Variants in ACTR10 observed in about 807,000 individuals in gnomAD.
The protein encoded by ACTR10 is actin related protein 10.
ACTR10 carries 43 observed loss-of-function variants against 56.2 expected under a neutral mutation model. The observed-to-expected ratio is 0.77, with a 90% CI of 0.60 to 0.99. The LOEUF (loss-of-function observed/expected upper bound fraction) is 0.99. ACTR10 is among the 50% of genes least tolerant of loss of function. The pLI is 0.00. For missense variants in ACTR10, 466 were observed against 507.8 expected (o/e 0.92, Z 0.79); for synonymous variants, 170 against 176.3 (o/e 0.96, Z 0.28).
intron 12 of ACTR10, among the ~76,000 whole-genome samples, chr14:58,233,115 C>T (rs1215867929): frequency 2.0e-5 from 3 of 152,062 alleles, no homozygotes; most frequent in Admixed American, 6.5e-5. Flanking sequence ...TCAGGTGATC[C>T]GCCCGCCTCT....
chr14:58,224,240 G>A (rs28497059), intron 10 of ACTR10, among the ~76,000 whole-genome samples: 257 of 152,188 alleles, frequency 1.7e-3, no homozygotes, highest in African/African-American at 5.8e-3. Flanking sequence ...GACCTCAGGT[G>A]ATCCGCCTAC....
intron 12 of ACTR10, among the ~76,000 whole-genome samples, 197 bp from the exon 13 acceptor site, chr14:58,234,173 A>G (rs1380492305): frequency 6.6e-6 from 1 of 152,212 alleles, no homozygotes; most frequent in African/African-American, 2.4e-5. Flanking sequence ...TTACTTTAAC[A>G]TGGAGTTATG....
chr14:58,225,875 G>T (rs778325320), intron 10 of ACTR10, among the ~76,000 whole-genome samples: 2 of 152,008 alleles, frequency 1.3e-5, no homozygotes, highest in Middle Eastern at 3.2e-3. Flanking sequence ...ACCATGACTG[G>T]CTAATGTTTG....
At chr14:58,201,849 A>G (rs1161664889) in intron 1 of ACTR10, among the ~76,000 whole-genome samples, 1 of 152,114 alleles carries the variant, frequency 6.6e-6, no homozygotes, top group African/African-American at 2.4e-5. Context: ...TACACAAAAT[A>G]CAAAATTTAG....
intron 10 of ACTR10, 71 bp downstream of exon 10, chr14:58,223,927 G>T: frequency 8.4e-7 from 1 of 1,189,990 alleles, no homozygotes; most frequent in Non-Finnish European, 1.2e-6. Context: ...ATATTTGTAT[G>T]AGCCTTTATT....
Position 58,200,237 on chromosome 14 carries a change from T to G in ACTR10, c.20T>G (p.Leu7Arg). The G allele has an allele frequency of 1.3e-6, 2 of 1,530,316 alleles. No individual in the cohort carries two copies. The highest frequency in any genetic ancestry group is 8.8e-7 in the Non-Finnish European group (1 of 1,141,268). The allele number at this position is 1,530,316 out of a possible 1,614,324, so 94.8% of individuals were successfully genotyped here. A position where few individuals can be genotyped will look rare whatever the true frequency, so the allele number is the denominator to read the frequency against. Residue 7 changes from leucine to arginine, a missense_variant, in exon 1 of 13, where the codon CTG becomes CGG. Leu to Arg is a moderately radical substitution (Grantham distance 102). Transcript: ENST00000254286. Reference sequence around the variant, plus strand: ...ACTACCATGCCGCTCTACGAGGGCCTGGGGAGCGGCGGGGAGAAGACGGCG... The same window carrying G: ...ACTACCATGCCGCTCTACGAGGGCCGGGGGAGCGGCGGGGAGAAGACGGCG... MPLYEG[L>R]GSGGEKTAVV...
chr14:58,228,093 C>A (rs1452064686), intron 10 of ACTR10, among the ~76,000 whole-genome samples: 2 of 152,098 alleles, frequency 1.3e-5, no homozygotes, highest in African/African-American at 4.8e-5. Flanking sequence ...CAGGGCAAGA[C>A]CCTATCTCAA....
Position 58,223,793 on chromosome 14 carries a change from C to T in ACTR10, c.725C>T (p.Pro242Leu), listed in dbSNP as rs1889336766. 1 of 1,612,850 alleles carries T rather than the reference C, an allele frequency of 6.2e-7. No individual in the cohort carries two copies. The highest frequency in any genetic ancestry group is 1.1e-5 in the South Asian group (1 of 91,016). The stretch of plus-strand genomic sequence containing the variant: ...ATATTTATATTTCAGCGTCCCTCCC[C>T]ACCCCCAAATGTTGACTATCCATTA... ...NIDGNNERPSPPPNVDYPLDG... is the reference protein window; with the variant it reads ...NIDGNNERPSLPPNVDYPLDG... The change falls in exon 10 of 13, where the codon CCA becomes CTA. Residue 242 changes from proline to leucine, a missense_variant. Pro to Leu is a moderately conservative substitution (Grantham distance 98, BLOSUM62 -3). Coordinates refer to ENST00000254286, the MANE Select transcript of ACTR10 (RefSeq NM_018477.3).
chr14:58,213,707 C>T lies in ACTR10; in HGVS notation c.518+9C>T. ...GGAAAAGCTCTTCACAAGTAAGTTT[C>T]TTGGAATTTAACATATTCATTTCAC... On this transcript the variant is annotated intron_variant, in intron 6 of 12. Coordinates refer to ENST00000254286, the MANE Select transcript of ACTR10 (RefSeq NM_018477.3). 2 of 1,606,304 alleles carry T rather than the reference C, an allele frequency of 1.2e-6. No homozygotes were observed. The highest frequency in any genetic ancestry group is 1.7e-6 in the Non-Finnish European group (2 of 1,174,986).
At chr14:58,201,402 A>G (rs1888700717) in intron 1 of ACTR10, among the ~76,000 whole-genome samples, 1 of 152,228 alleles carries the variant, frequency 6.6e-6, no homozygotes, top group Non-Finnish European at 1.5e-5. Flanking sequence ...TATTTGAAAA[A>G]GACAGCAGGA....
At chr14:58,209,406 T>G (rs890202601) in intron 4 of ACTR10, 3 of 175,432 alleles carry the variant, frequency 1.7e-5, no homozygotes, top group Non-Finnish European at 3.6e-5. Context: ...TTTATTACTG[T>G]TTATTTATTT....
chr14:58,204,113 A>T (rs1888795982), intron 2 of ACTR10, among the ~76,000 whole-genome samples: 1 of 151,750 alleles, frequency 6.6e-6, no homozygotes, highest in African/African-American at 2.4e-5. Flanking sequence ...GGCTGGGCAG[A>T]TTACACGCCT....
chr14:58,204,217 TAA>T (rs35924178), intron 2 of ACTR10, among the ~76,000 whole-genome samples: 13 of 132,210 alleles, frequency 9.8e-5, no homozygotes, highest in East Asian at 2.2e-4. Context: ...CCATCTCTAC[TAA>T]AAAAAAAAAA....
intron 2 of ACTR10, among the ~76,000 whole-genome samples, chr14:58,206,324 C>T (rs1863817687): frequency 1.3e-5 from 2 of 150,828 alleles, no homozygotes; most frequent in Non-Finnish European, 2.9e-5. Flanking sequence ...TACAGGCGCC[C>T]TCCACCACAC....
chr14:58,233,152 T>C (rs908507923), intron 12 of ACTR10, among the ~76,000 whole-genome samples: 28 of 152,098 alleles, frequency 1.8e-4, no homozygotes, highest in African/African-American at 6.5e-4. Flanking sequence ...GGATTACAGG[T>C]GTGAGCCACC....
At chr14:58,232,362 C>A in intron 12 of ACTR10, 95 bp downstream of exon 12, 11 of 622,376 alleles carry the variant, frequency 1.8e-5, no homozygotes, top group East Asian at 4.5e-5. Context: ...ATTCAGGGTT[C>A]AGAATTGCCC....
At chr14:58,225,040 G>C (rs1889365633) in intron 10 of ACTR10, among the ~76,000 whole-genome samples, 1 of 151,692 alleles carries the variant, frequency 6.6e-6, no homozygotes, top group South Asian at 2.1e-4. Context: ...GGTCTCTGTT[G>C]CAACTACTCA....
intron 1 of ACTR10, 49 bp downstream of exon 1, chr14:58,200,343 G>C: frequency 1.4e-6 from 2 of 1,438,038 alleles, no homozygotes; most frequent in South Asian, 2.9e-5. Flanking sequence ...GAGGGCGGGT[G>C]GCAGAGCCCC....
intron 1 of ACTR10, among the ~76,000 whole-genome samples, chr14:58,202,002 CA>C (rs11460483): frequency 0.016 from 1,616 of 99,072 alleles, 19 homozygotes; most frequent in African/African-American, 0.056. Context: ...GACCCTGCCT[CA>C]AAAAAAAAAA....
Sources: allele counts gnomAD v4.1 joint callset (sites outside exome capture counted in the v4.1 genomes callset), GRCh38; gene constraint gnomAD v4.1.1; transcripts MANE v1.5; gene names NCBI Gene and HGNC (gene_info 2026-07-23, HGNC 2026-07-21).